Variants in ATG2B observed in about 807,000 individuals in gnomAD.
ATG2B encodes the protein autophagy-related protein 2 homolog B.
ATG2B carries 121 observed loss-of-function variants against 241.3 expected under a neutral mutation model. The ratio of observed to expected loss-of-function variants is 0.50; its 90% CI spans 0.43 to 0.58. The LOEUF (loss-of-function observed/expected upper bound fraction) is 0.58, where lower values mean the gene tolerates loss of function less well. Ranked by LOEUF, ATG2B falls within the 20% of genes least tolerant of loss-of-function variation. The probability of loss-of-function intolerance (pLI) is 0.00; values close to 1 mark genes in which losing one functional copy is unlikely to be tolerated. For synonymous variants in ATG2B, 858 were observed against 876.6 expected, an observed-to-expected ratio of 0.98 and a Z score of 0.37; for missense variants, 2,306 against 2,491.6, an observed-to-expected ratio of 0.93 and a Z score of 1.59.
At chr14:96,340,087 A>ATATATATATC (rs1555369394) in intron 6 of ATG2B, among the ~76,000 whole-genome samples, 3 of 122,734 alleles carry the variant, frequency 2.4e-5, no homozygotes, top group Non-Finnish European at 3.7e-5. Context: ...GATATATATG[A>ATATATATATC]ATATATGCTA....
chr14:96,352,584 T>G (rs752008794), intron 1 of ATG2B, among the ~76,000 whole-genome samples: 1 of 151,834 alleles, frequency 6.6e-6, no homozygotes, highest in Non-Finnish European at 1.5e-5. Context: ...TTTTTTTGCG[T>G]CTTAGTTTTT....
rs1207681476 is a variant in ATG2B at position 96,280,513 on chromosome 14, T to G, written c.*5242A>C. The G allele has an allele frequency of 6.6e-6, 1 of 150,958 alleles. No individual in the cohort carries two copies. Among genetic ancestry groups the G allele is most frequent in the East Asian group, 2.1e-4 (1 of 4,702 alleles). 9.4% of individuals were successfully genotyped at this position (150,958 alleles called of 1,614,324 possible). A position where few individuals can be genotyped will look rare whatever the true frequency, so the allele number is the denominator to read the frequency against. ...CCATGGGTGAAGTGTGACTTGTCAT[T>G]TTTTCCCTAATTGTTCAAAGTGGAT... On this transcript the variant is annotated 3_prime_UTR_variant, in exon 42 of 42. Transcript: ENST00000359933.
At chr14:96,324,742 GA>G (rs1401677306) in intron 15 of ATG2B, among the ~76,000 whole-genome samples, 1 of 152,116 alleles carries the variant, frequency 6.6e-6, no homozygotes, top group Non-Finnish European at 1.5e-5. Flanking sequence ...CTTTCCTCCA[GA>G]ATAATGAGTT....
chr14:96,321,869 G>A (rs929873952), intron 18 of ATG2B, among the ~76,000 whole-genome samples: 5 of 152,068 alleles, frequency 3.3e-5, no homozygotes, highest in South Asian at 2.1e-4. Flanking sequence ...AGCTGACAGA[G>A]GGCAATCAGC....
Position 96,294,913 on chromosome 14 carries a change from C to G in ATG2B, c.5426+47G>C, listed in dbSNP as rs139428223. Reference sequence around the variant, plus strand: ...CACACATACATCACAGAACAATCTTCAAAAGTCTAAAATAACTTCATTTGT... The same window carrying G: ...CACACATACATCACAGAACAATCTTGAAAAGTCTAAAATAACTTCATTTGT... On this transcript the variant is annotated intron_variant, in intron 36 of 41. Coordinates refer to ENST00000359933, the MANE Select transcript of ATG2B (RefSeq NM_018036.7). 18 of 1,569,456 alleles carry G rather than the reference C, an allele frequency of 1.1e-5. No individual in the cohort carries two copies. The African/African-American group carries it at 1.2e-4, about 11-fold the overall frequency.
chr14:96,343,189 C>T lies in ATG2B; in HGVS notation c.674G>A (p.Gly225Glu), dbSNP rs778769696. 6.2e-7 allele frequency: 1 copy of T among 1,608,990 alleles called. No homozygotes were observed. Among genetic ancestry groups the T allele is most frequent in the East Asian group, 2.2e-5 (1 of 44,750 alleles). ...AFAHKLLQLS[G>E]VSLFWDEFSA... is the part of the protein sequence containing the mutation. Reference sequence around the variant, plus strand: ...AAACTCATCCCAGAAGAGAGACACTCCAGAGAGCTGAAGTAACTTGTGAGC... The same window carrying T: ...AAACTCATCCCAGAAGAGAGACACTTCAGAGAGCTGAAGTAACTTGTGAGC... Residue 225 changes from glycine (G) to glutamate (E), a missense_variant, in exon 5 of 42, where the codon GGA becomes GAA. By Grantham distance (98) the Gly-to-Glu change is moderately conservative. This residue lies in a region of ATG2B where 1,927 missense variants were observed against 2,011.2 expected (regional missense o/e 0.96). Transcript: ENST00000359933.
rs902071186 is a variant in ATG2B, at chr14:96,306,653, C to T, written c.4506+61G>A. ...AAATCAACAGAATTTTCTCCAGGTA[C>T]CCTTTGGTCAATTCATTTGTAACAC... On this transcript the variant is annotated intron_variant, in intron 30 of 41. Coordinates refer to ENST00000359933, the MANE Select transcript of ATG2B (RefSeq NM_018036.7). 13 of 1,403,366 alleles carry T rather than the reference C, an allele frequency of 9.3e-6. No homozygotes were observed. The Admixed American group carries it at 2.6e-4, about 29-fold the overall frequency. The allele number at this position is 1,403,366 out of a possible 1,614,324, so 86.9% of individuals were successfully genotyped here. A position where few individuals can be genotyped will look rare whatever the true frequency, so the allele number is the denominator to read the frequency against.
At chr14:96,297,632 C>G (rs1286083736) in intron 34 of ATG2B, among the ~76,000 whole-genome samples, 2 of 152,046 alleles carry the variant, frequency 1.3e-5, no homozygotes, top group African/African-American at 4.8e-5. Context: ...CCCCTGACCT[C>G]GTGATCCACC....
At chr14:96,304,395 G>C in intron 32 of ATG2B, 100 bp downstream of exon 32, 2 of 788,632 alleles carry the variant, frequency 2.5e-6, no homozygotes, top group East Asian at 4.9e-5. Context: ...CAATCCAAAG[G>C]GTTGGGACTT....
intron 33 of ATG2B, among the ~76,000 whole-genome samples, chr14:96,302,721 C>T (rs1185291572): frequency 6.6e-6 from 1 of 152,172 alleles, no homozygotes; most frequent in African/African-American, 2.4e-5. Flanking sequence ...GAGGGACCTC[C>T]AAAGTCCTGA....
chr14:96,322,191 G>C lies in ATG2B; in HGVS notation c.2800C>G (p.His934Asp), dbSNP rs1490001326. 5 of 1,592,306 alleles carry C rather than the reference G, an allele frequency of 3.1e-6. No individual in the cohort carries two copies. Among genetic ancestry groups the C allele is most frequent in the Non-Finnish European group, 4.3e-6 (5 of 1,173,254 alleles). ...EFQDKAISNS[H>D]YVLELTLPNI... ...GGTAACGTAAGTTCCAGCACATAGT[G>C]AGAATTGCTGATTGCTTTATCCTGA... is the stretch of plus-strand genomic sequence containing the variant. Residue 934 changes from histidine (H) to aspartate (D), a missense_variant, in exon 18 of 42, where the codon CAC becomes GAC. His to Asp is a moderately conservative substitution (Grantham distance 81). Coordinates refer to ENST00000359933, the MANE Select transcript of ATG2B (RefSeq NM_018036.7).
chr14:96,347,888 T>C (rs1888210665), intron 1 of ATG2B, among the ~76,000 whole-genome samples: 1 of 152,182 alleles, frequency 6.6e-6, no homozygotes, highest in South Asian at 2.1e-4. Flanking sequence ...GTTGGTGGAA[T>C]TGTAAATTAT....
rs754511417 is a variant in ATG2B at position 96,317,138 on chromosome 14, A to G, written c.3210+7T>C. The G allele has an allele frequency of 2.8e-5, 45 of 1,594,868 alleles. No individual in the cohort carries two copies. The highest frequency in any genetic ancestry group is 1.8e-5 in the Admixed American group (1 of 56,832). The stretch of plus-strand genomic sequence containing the variant: ...TTGAAAAAACACTTCGGATTTGTAA[A>G]CCTCACCTTCACATCTGTGAACACT... On this transcript the variant is annotated splice_region_variant and intron_variant, in intron 20 of 41. Coordinates refer to ENST00000359933, the MANE Select transcript of ATG2B (RefSeq NM_018036.7).
intron 6 of ATG2B, among the ~76,000 whole-genome samples, chr14:96,335,686 G>C (rs913148348): frequency 2.6e-5 from 4 of 152,148 alleles, no homozygotes; most frequent in Admixed American, 2.6e-4. Context: ...CTTATTTTAC[G>C]GGGCACCTTC....
chr14:96,312,197 A>T (rs201510764), intron 25 of ATG2B, 38 bp from the exon 26 acceptor site: 2 of 1,475,060 alleles, frequency 1.4e-6, no homozygotes, highest in Non-Finnish European at 1.9e-6. Context: ...CTGAAAAACT[A>T]AGCTTTGAGT....
At chr14:96,310,772 A>G (rs893310722) in intron 28 of ATG2B, among the ~76,000 whole-genome samples, 3 of 152,208 alleles carry the variant, frequency 2.0e-5, no homozygotes, top group Admixed American at 6.5e-5. Context: ...AACACCTGCC[A>G]TCTATCTTTT....
intron 6 of ATG2B, among the ~76,000 whole-genome samples, chr14:96,337,826 T>C (rs1239645890): frequency 6.6e-6 from 1 of 152,152 alleles, no homozygotes; most frequent in Admixed American, 6.5e-5. Context: ...TGACGGTATT[T>C]TGATGGGAAT....
intron 15 of ATG2B, 151 bp from the exon 16 acceptor site, chr14:96,324,149 T>G: frequency 1.7e-6 from 1 of 589,836 alleles, no homozygotes; most frequent in Non-Finnish European, 2.9e-6. Context: ...GCACGTGTGG[T>G]AGACAGAATG....
chr14:96,286,772 T>TTATTATTA (rs1168861162), intron 41 of ATG2B, among the ~76,000 whole-genome samples: 3 of 151,978 alleles, frequency 2.0e-5, no homozygotes, highest in African/African-American at 7.2e-5. Flanking sequence ...CATTCCATTA[T>TTATTATTA]TATTATTATA....
Sources: gnomAD v4.1 joint callset for allele counts (sites outside exome capture counted in the v4.1 genomes callset) on GRCh38, gnomAD v4.1.1 for gene constraint, gnomAD v4.1.1 regional missense constraint, MANE v1.5 for transcripts, NCBI Gene and HGNC (gene_info 2026-07-23, HGNC 2026-07-21) for gene names.